NRXN1: variants seen among roughly 807,000 people sequenced by gnomAD.
NRXN1 encodes neurexin-1.
A neutral mutation model predicts 150.9 loss-of-function variants in NRXN1; 39 were observed. The ratio of observed to expected loss-of-function variants is 0.26; its 90% CI spans 0.20 to 0.34. The LOEUF is 0.34. Ranked by LOEUF, NRXN1 falls within the 10% of genes least tolerant of loss-of-function variation. NRXN1 has a pLI of 1.00. For missense variants in NRXN1, 1,815 were observed against 1,949.9 expected, an observed-to-expected ratio of 0.93 and a Z score of 1.30; for synonymous variants, 924 against 757.0, an observed-to-expected ratio of 1.22 and a Z score of -3.62.
At chr2:50,142,606 A>T (rs1195788012) in intron 18 of NRXN1, among the ~76,000 whole-genome samples, 1 of 151,912 alleles carries the variant, frequency 6.6e-6, no homozygotes, top group Non-Finnish European at 1.5e-5. Context: ...TATATCAATT[A>T]AAAAAATCAA....
intron 9 of NRXN1, among the ~76,000 whole-genome samples, chr2:50,549,229 C>G (rs2093559236): frequency 6.6e-6 from 1 of 152,086 alleles, no homozygotes; most frequent in South Asian, 2.1e-4. Context: ...GCCATTCATT[C>G]AATTTTTAAA....
At chr2:50,249,443 G>T (rs1346258435) in intron 17 of NRXN1, among the ~76,000 whole-genome samples, 1 of 151,946 alleles carries the variant, frequency 6.6e-6, no homozygotes, top group Non-Finnish European at 1.5e-5. Flanking sequence ...TATTGCTGGA[G>T]ACAGAATACA....
intron 7 of NRXN1, among the ~76,000 whole-genome samples, chr2:50,620,419 TAG>T (rs1241310231): frequency 6.6e-6 from 1 of 152,142 alleles, no homozygotes; most frequent in African/African-American, 2.4e-5. Flanking sequence ...CTAAACTAGT[TAG>T]AGAGTTAACT....
chr2:50,138,083 G>A (rs1480699417), intron 18 of NRXN1, among the ~76,000 whole-genome samples: 2 of 152,108 alleles, frequency 1.3e-5, no homozygotes, highest in Non-Finnish European at 2.9e-5. Flanking sequence ...AAAAAGAAAT[G>A]TAAAAAAGTA....
chr2:50,893,337 G>C (rs1179081822), intron 5 of NRXN1, among the ~76,000 whole-genome samples: 1 of 152,098 alleles, frequency 6.6e-6, no homozygotes, highest in Non-Finnish European at 1.5e-5. Context: ...CAATTATTTT[G>C]TAGTTAAATA....
At chr2:50,549,147 A>C (rs2105323378) in intron 9 of NRXN1, among the ~76,000 whole-genome samples, 1 of 152,278 alleles carries the variant, frequency 6.6e-6, no homozygotes, top group African/African-American at 2.4e-5. Context: ...CTTAGTTGTA[A>C]GTGACCTCTG....
intron 5 of NRXN1, among the ~76,000 whole-genome samples, chr2:50,730,098 C>T (rs1697905521): frequency 6.6e-6 from 1 of 152,100 alleles, no homozygotes; most frequent in South Asian, 2.1e-4. Flanking sequence ...TAGAAGCAGG[C>T]CAGTATCTAA....
chr2:50,342,489 T>C (rs2077620020), intron 17 of NRXN1, among the ~76,000 whole-genome samples: 1 of 152,230 alleles, frequency 6.6e-6, no homozygotes, highest in African/African-American at 2.4e-5. Flanking sequence ...TAGAGAATAT[T>C]GTCAAAGGTT....
chr2:50,553,926 C>G (rs1376243898), intron 8 of NRXN1, among the ~76,000 whole-genome samples: 1 of 152,080 alleles, frequency 6.6e-6, no homozygotes, highest in Non-Finnish European at 1.5e-5. Flanking sequence ...CTAATAAATT[C>G]AAAGGTATTT....
At position 50,683,646 on chromosome 2, in the gene NRXN1, A is replaced by AATATATATATATAT. The variant is rs71225142; in HGVS notation, c.833-60045_833-60032dup. Among the ~76,000 whole-genome samples the AATATATATATATAT allele has an allele frequency of 2.2e-3, 33 of 14,794 alleles. 1 individual carries two copies. The highest frequency in any genetic ancestry group is 6.2e-3 in the South Asian group (1 of 162). 9.7% of individuals were successfully genotyped at this position (14,794 alleles called of 152,430 possible). On this transcript the variant is annotated intron_variant, in intron 5 of 22. Coordinates refer to ENST00000401669, the MANE Select transcript of NRXN1 (RefSeq NM_001330078.2). ...GACTCCGTCTCAAAAAAAAAAAAAA[A>AATATATATATATAT]ATATATATATATATATATATGTTAT...
At chr2:50,156,086 G>T (rs897613727) in intron 18 of NRXN1, among the ~76,000 whole-genome samples, 5 of 151,414 alleles carry the variant, frequency 3.3e-5, no homozygotes, top group African/African-American at 1.2e-4. Context: ...ATTTTACTTT[G>T]TTCTTTGCTT....
intron 17 of NRXN1, among the ~76,000 whole-genome samples, chr2:50,385,944 G>A (rs2081299849): frequency 6.6e-6 from 1 of 151,250 alleles, no homozygotes; most frequent in Admixed American, 6.6e-5. Flanking sequence ...ACGAAAAGGT[G>A]GAATAAAATA....
intron 17 of NRXN1, among the ~76,000 whole-genome samples, chr2:50,281,478 T>C (rs780454699): frequency 1.3e-5 from 2 of 152,064 alleles, no homozygotes; most frequent in African/African-American, 4.8e-5. Context: ...ATAACTATAA[T>C]AAAGTCGCTT....
At chr2:50,457,255 A>T (rs1008330539) in intron 17 of NRXN1, among the ~76,000 whole-genome samples, 1 of 152,142 alleles carries the variant, frequency 6.6e-6, no homozygotes, top group East Asian at 1.9e-4. Context: ...TTTACATCTA[A>T]GAATTAAGAG....
chr2:49,963,704 C>G (rs1488410110), intron 21 of NRXN1, among the ~76,000 whole-genome samples: 1 of 152,200 alleles, frequency 6.6e-6, no homozygotes, highest in African/African-American at 2.4e-5. Context: ...CCTTTAACAT[C>G]TTTCACCAAA....
At chr2:50,191,982 T>A (rs1261252102) in intron 18 of NRXN1, among the ~76,000 whole-genome samples, 1 of 152,152 alleles carries the variant, frequency 6.6e-6, no homozygotes, top group African/African-American at 2.4e-5. Flanking sequence ...ATATGCTATA[T>A]AAAAATGTTT....
At chr2:50,169,856 T>C (rs2059922947) in intron 18 of NRXN1, among the ~76,000 whole-genome samples, 1 of 151,674 alleles carries the variant, frequency 6.6e-6, no homozygotes, top group African/African-American at 2.4e-5. Flanking sequence ...TTACATTGTG[T>C]GTTGGGCAGT....
intron 18 of NRXN1, among the ~76,000 whole-genome samples, chr2:50,140,457 C>T (rs371666263): frequency 6.6e-4 from 101 of 152,134 alleles, no homozygotes; most frequent in African/African-American, 2.3e-3. Context: ...TGGTTGAGGG[C>T]ACTCCACATT....
chr2:50,105,195 T>C (rs1177420434), intron 18 of NRXN1: 1 of 152,058 alleles, frequency 6.6e-6, no homozygotes, highest in African/African-American at 2.4e-5. Flanking sequence ...AGGAGGTTTG[T>C]ATACTGATAA....
Sources: gnomAD v4.1 joint callset for allele counts (sites outside exome capture counted in the v4.1 genomes callset) on GRCh38, gnomAD v4.1.1 for gene constraint, MANE v1.5 for transcripts, NCBI Gene and HGNC (gene_info 2026-07-23, HGNC 2026-07-21) for gene names.